LRRC7: variants seen among roughly 807,000 people sequenced by gnomAD.
The protein encoded by LRRC7 is leucine-rich repeat-containing protein 7.
LRRC7 carries 23 observed loss-of-function variants against 175.7 expected under a neutral mutation model. That is an observed-to-expected ratio of 0.13 (90% CI 0.09 to 0.19). LRRC7 has a LOEUF of 0.19. Among genes scored for constraint, LRRC7 ranks in the 10% least tolerant of loss-of-function variants. The pLI is 1.00. For missense variants in LRRC7, 1,354 were observed against 1,904.7 expected (o/e 0.71, Z 5.38); for synonymous variants, 685 against 680.9 (o/e 1.01, Z -0.09).
At chr1:69,689,179 C>G (rs1265666619) in intron 2 of LRRC7, among the ~76,000 whole-genome samples, 1 of 152,194 alleles carries the variant, frequency 6.6e-6, no homozygotes, top group Non-Finnish European at 1.5e-5. Flanking sequence ...AGACTCACTT[C>G]CCCTATGTCT....
At chr1:69,974,871 G>A (rs893239238) in intron 8 of LRRC7, among the ~76,000 whole-genome samples, 2 of 151,962 alleles carry the variant, frequency 1.3e-5, no homozygotes, top group Non-Finnish European at 2.9e-5. Context: ...CATTATTTTG[G>A]AATTTCAGTT....
rs1657700251 is a variant in LRRC7, at chr1:70,023,200, T to C, written c.1620T>C (p.Asp540=). The change falls in exon 17 of 27, where the codon GAT becomes GAC. Residue 540 remains aspartate, a synonymous_variant. Coordinates refer to ENST00000651989, the MANE Select transcript of LRRC7 (RefSeq NM_001370785.2). ...TCCAACCTGCCAGACTGTCTGGCGATTGCTGCACACCATGGGCCAGGTGTG... is the reference window on the plus strand; with the variant it reads ...TCCAACCTGCCAGACTGTCTGGCGACTGCTGCACACCATGGGCCAGGTGTG... ...ITLQPARLSG[D]CCTPWARCDQ... is the part of the protein sequence containing the mutation. 2 of 1,598,314 alleles carry C rather than the reference T, an allele frequency of 1.3e-6. No individual in the cohort carries two copies. Among genetic ancestry groups the C allele is most frequent in the African/African-American group, 1.3e-5 (1 of 74,572 alleles).
chr1:70,046,723 C>T (rs1317791672), intron 22 of LRRC7, among the ~76,000 whole-genome samples: 2 of 152,128 alleles, frequency 1.3e-5, no homozygotes, highest in African/African-American at 4.8e-5. Flanking sequence ...GCAATAATAG[C>T]TCTGGGTTCT....
intron 1 of LRRC7, among the ~76,000 whole-genome samples, chr1:69,651,222 T>A (rs748779202): frequency 6.6e-6 from 1 of 152,194 alleles, no homozygotes; most frequent in East Asian, 1.9e-4. Context: ...TTTAAAGATA[T>A]ATATTTTTAA....
At chr1:69,802,079 T>C (rs1192613737) in intron 4 of LRRC7, among the ~76,000 whole-genome samples, 1 of 151,500 alleles carries the variant, frequency 6.6e-6, no homozygotes, top group Non-Finnish European at 1.5e-5. Context: ...AGTCTGAGAA[T>C]ATACTTAATA....
chr1:69,710,928 T>C (rs1285731738), intron 2 of LRRC7, among the ~76,000 whole-genome samples: 1 of 152,188 alleles, frequency 6.6e-6, no homozygotes, highest in Non-Finnish European at 1.5e-5. Flanking sequence ...TGAAGACATT[T>C]ATATATAGAC....
intron 6 of LRRC7, among the ~76,000 whole-genome samples, chr1:69,837,274 A>G (rs1359540397): frequency 6.6e-6 from 1 of 151,978 alleles, no homozygotes; most frequent in Non-Finnish European, 1.5e-5. Flanking sequence ...TATGCGCCTT[A>G]GAGTCAATGA....
chr1:69,858,078 A>G (rs921107052), intron 7 of LRRC7, among the ~76,000 whole-genome samples: 3 of 152,198 alleles, frequency 2.0e-5, no homozygotes, highest in African/African-American at 7.2e-5. Flanking sequence ...CTGAAACTGG[A>G]TCCCTTCCTT....
At chr1:69,736,925 T>A (rs2100837881) in intron 2 of LRRC7, among the ~76,000 whole-genome samples, 1 of 152,256 alleles carries the variant, frequency 6.6e-6, no homozygotes, top group Non-Finnish European at 1.5e-5. Context: ...AGGATGAGTC[T>A]TTTTTATAGA....
intron 2 of LRRC7, among the ~76,000 whole-genome samples, chr1:69,702,375 A>C (rs1488606960): frequency 6.6e-6 from 1 of 152,232 alleles, no homozygotes; most frequent in African/African-American, 2.4e-5. Context: ...TTTTGTGATC[A>C]GCAACATTTT....
At chr1:69,828,721 C>T (rs2101272712) in intron 5 of LRRC7, among the ~76,000 whole-genome samples, 1 of 152,082 alleles carries the variant, frequency 6.6e-6, no homozygotes, top group South Asian at 2.1e-4. Flanking sequence ...TGTTCTCTAA[C>T]ATTATGATGT....
At chr1:69,821,508 G>C (rs1375240836) in intron 4 of LRRC7, among the ~76,000 whole-genome samples, 1 of 151,968 alleles carries the variant, frequency 6.6e-6, no homozygotes, top group Non-Finnish European at 1.5e-5. Context: ...TTGTCCATCT[G>C]TGCCCTCTTG....
At chr1:69,764,774 TAGATAGACAGACAGAC>T (rs1387959389) in intron 3 of LRRC7, among the ~76,000 whole-genome samples, 10 of 144,604 alleles carry the variant, frequency 6.9e-5, no homozygotes, top group African/African-American at 2.6e-4. Flanking sequence ...GATAGATAGA[TAGATAGACAGACAGAC>T]AGATAGATAA....
chr1:69,763,415 A>T (rs1671254972), intron 3 of LRRC7, among the ~76,000 whole-genome samples: 1 of 152,068 alleles, frequency 6.6e-6, no homozygotes, highest in African/African-American at 2.4e-5. Flanking sequence ...TTCTTCAACT[A>T]ATTTGTCTGC....
rs777524400 is a variant in LRRC7 at position 69,980,374 on chromosome 1, C to T, written c.712-5C>T. ...CTCTCTCCTTCCTCCCCACTTCTCT[C>T]CCAGCCTGAAGTTCTGGATCAAATA... On this transcript the variant is annotated splice_polypyrimidine_tract_variant and splice_region_variant and intron_variant, in intron 8 of 26. Transcript: ENST00000651989. 1 of 1,609,542 alleles carries T rather than the reference C, an allele frequency of 6.2e-7. No individual in the cohort carries two copies. Among genetic ancestry groups the T allele is most frequent in the South Asian group, 1.1e-5 (1 of 90,288 alleles).
chr1:70,141,143 A>AGAT lies in LRRC7; in HGVS notation c.*19257_*19259dup, dbSNP rs1265942180. Among the ~76,000 whole-genome samples the AGAT allele has an allele frequency of 6.6e-6, 1 of 152,154 alleles. No homozygotes were observed. The highest frequency in any genetic ancestry group is 1.5e-5 in the Non-Finnish European group (1 of 67,996). ...AAGAGGAAGAGATAACAAAAGATGT[A>AGAT]GATAAGAGGACATTGTTAACTGGTG... On this transcript the variant is annotated 3_prime_UTR_variant, in exon 27 of 27. Transcript: ENST00000651989.
In LRRC7 at chr1:70,056,197, T is replaced by C. The variant is rs1558032143; in HGVS notation, c.4230+3052T>C. Among the ~76,000 whole-genome samples, 3 of 152,192 alleles carry C rather than the reference T, an allele frequency of 2.0e-5. No individual in the cohort carries two copies. The South Asian group carries it at 6.2e-4, about 32-fold the overall frequency. ...TTCAAATTTAGGAATCATTAGAACATGTATTATTGAGCCATGAGTGAGGTA... is the reference window on the plus strand; with the variant it reads ...TTCAAATTTAGGAATCATTAGAACACGTATTATTGAGCCATGAGTGAGGTA... On this transcript the variant is annotated intron_variant, in intron 23 of 26. Coordinates refer to ENST00000651989, the MANE Select transcript of LRRC7 (RefSeq NM_001370785.2).
intron 18 of LRRC7, among the ~76,000 whole-genome samples, chr1:70,032,076 C>T (rs183171189): frequency 6.6e-6 from 1 of 152,280 alleles, no homozygotes; most frequent in East Asian, 1.9e-4. Context: ...GGATTACAGG[C>T]GTGAGCCACC....
chr1:69,850,201 C>T (rs574893360), intron 7 of LRRC7, among the ~76,000 whole-genome samples: 1 of 151,436 alleles, frequency 6.6e-6, no homozygotes, highest in Admixed American at 6.6e-5. Flanking sequence ...AAAATAACAA[C>T]CAAAGAAAAA....
Sources: gnomAD v4.1 joint callset for allele counts (sites outside exome capture counted in the v4.1 genomes callset) on GRCh38, gnomAD v4.1.1 for gene constraint, MANE v1.5 for transcripts, NCBI Gene and HGNC (gene_info 2026-07-23, HGNC 2026-07-21) for gene names.